ELOVL5: variants seen among roughly 807,000 people sequenced by gnomAD.
The protein encoded by ELOVL5 is ELOVL fatty acid elongase 5.
Under a neutral mutation model 38.6 loss-of-function variants are expected in ELOVL5, and 8 were observed. That is an observed-to-expected ratio of 0.21 (90% CI 0.12 to 0.37). The LOEUF (loss-of-function observed/expected upper bound fraction) is 0.37. Ranked by LOEUF, ELOVL5 falls within the 10% of genes least tolerant of loss-of-function variation. The probability of loss-of-function intolerance (pLI) is 1.00; values close to 1 mark genes in which losing one functional copy is unlikely to be tolerated. For synonymous variants in ELOVL5, 127 were observed against 133.7 expected (o/e 0.95, Z 0.34); for missense variants, 280 against 367.8 (o/e 0.76, Z 1.95).
intron 1 of ELOVL5, among the ~76,000 whole-genome samples, chr6:53,327,855 T>C (rs570342496): frequency 7.2e-5 from 11 of 152,218 alleles, no homozygotes; most frequent in Non-Finnish European, 1.5e-4. Context: ...CTCTCTCGAC[T>C]GGATGCTTTT....
At chr6:53,331,903 C>T (rs138581173) in intron 1 of ELOVL5, among the ~76,000 whole-genome samples, 42 of 152,314 alleles carry the variant, frequency 2.8e-4, no homozygotes, top group African/African-American at 9.4e-4. Flanking sequence ...GTGCCAGCAT[C>T]TGCTTCTGGT....
At chr6:53,335,968 G>GC (rs1425972595) in intron 1 of ELOVL5, among the ~76,000 whole-genome samples, 1 of 152,130 alleles carries the variant, frequency 6.6e-6, no homozygotes, top group Non-Finnish European at 1.5e-5. Flanking sequence ...GGTCATACTA[G>GC]CCCTGAACCA....
At chr6:53,286,384 G>A (rs1766572035) in intron 3 of ELOVL5, among the ~76,000 whole-genome samples, 1 of 152,036 alleles carries the variant, frequency 6.6e-6, no homozygotes, top group African/African-American at 2.4e-5. Flanking sequence ...GCAACACCGT[G>A]AGACAATGTT....
At chr6:53,288,043 A>G in intron 3 of ELOVL5, 1 of 1,021,688 alleles carries the variant, frequency 9.8e-7, no homozygotes, top group Middle Eastern at 2.0e-4. Flanking sequence ...ATGAGGACAG[A>G]GCATCTGCCT....
chr6:53,303,333 T>C lies in ELOVL5; in HGVS notation c.-8-7626A>G, dbSNP rs1427659807. Among the ~76,000 whole-genome samples, 4 of 152,338 alleles carry C rather than the reference T, an allele frequency of 2.6e-5. No individual in the cohort carries two copies. In the East Asian group the frequency reaches 7.7e-4, roughly 29 times the overall value. On this transcript the variant is annotated intron_variant, in intron 1 of 7. Coordinates refer to ENST00000304434, the MANE Select transcript of ELOVL5 (RefSeq NM_021814.5). ...TTGGCATTTAAATAAATGATAACTC[T>C]GGATTAAATCTTGGCTCAAAAATAT...
At chr6:53,342,292 C>T (rs1339130502) in intron 1 of ELOVL5, among the ~76,000 whole-genome samples, 1 of 152,192 alleles carries the variant, frequency 6.6e-6, no homozygotes, top group Non-Finnish European at 1.5e-5. Flanking sequence ...CCCCTGGAAG[C>T]AAATGAATAA....
intron 1 of ELOVL5, among the ~76,000 whole-genome samples, chr6:53,348,336 C>T (rs1769666076): frequency 6.6e-6 from 1 of 151,718 alleles, no homozygotes; most frequent in Admixed American, 6.6e-5. Flanking sequence ...CTCGCACAGG[C>T]TCTTCGAACT....
At chr6:53,308,073 A>G (rs1250750826) in intron 1 of ELOVL5, among the ~76,000 whole-genome samples, 1 of 152,162 alleles carries the variant, frequency 6.6e-6, no homozygotes, top group Non-Finnish European at 1.5e-5. Flanking sequence ...TTTTACGAGA[A>G]AAAGATACAG....
intron 3 of ELOVL5, among the ~76,000 whole-genome samples, chr6:53,287,594 TTAG>T (rs1166463803): frequency 1.3e-5 from 2 of 152,178 alleles, no homozygotes; most frequent in Non-Finnish European, 2.9e-5. Flanking sequence ...GTCCTCTTCC[TTAG>T]TACGCTCATG....
intron 3 of ELOVL5, among the ~76,000 whole-genome samples, chr6:53,279,940 A>G (rs1766291661): frequency 6.6e-6 from 1 of 152,234 alleles, no homozygotes; most frequent in East Asian, 1.9e-4. Flanking sequence ...GTCCATGGGT[A>G]GTGGACTACA....
chr6:53,284,170 G>A (rs543120153), intron 3 of ELOVL5, among the ~76,000 whole-genome samples: 1 of 152,282 alleles, frequency 6.6e-6, no homozygotes, highest in South Asian at 2.1e-4. Flanking sequence ...GCTGGGCACA[G>A]TGGCATGCTC....
chr6:53,322,755 A>G (rs1768350271), intron 1 of ELOVL5, among the ~76,000 whole-genome samples: 1 of 152,258 alleles, frequency 6.6e-6, no homozygotes, highest in Admixed American at 6.5e-5. Context: ...AAGTACTAAG[A>G]TAAGCTATCC....
Position 53,268,840 on chromosome 6 carries a change from A to G in ELOVL5, c.*287T>C, listed in dbSNP as rs1765821630. The G allele has an allele frequency of 4.0e-6, 1 of 252,920 alleles. No individual in the cohort carries two copies. Among genetic ancestry groups the G allele is most frequent in the East Asian group, 7.3e-5 (1 of 13,660 alleles). 15.7% of individuals were successfully genotyped at this position (252,920 alleles called of 1,614,324 possible). On this transcript the variant is annotated 3_prime_UTR_variant, in exon 8 of 8. Transcript: ENST00000304434. ...AATTGTGAATCACAATTCAGCACCTATCATGTTATAACTAATAAGGCAACA... is the reference window on the plus strand; with the variant it reads ...AATTGTGAATCACAATTCAGCACCTGTCATGTTATAACTAATAAGGCAACA...
At chr6:53,302,649 T>C (rs1375163744) in intron 1 of ELOVL5, among the ~76,000 whole-genome samples, 5 of 138,450 alleles carry the variant, frequency 3.6e-5, no homozygotes, top group Non-Finnish European at 1.6e-5. Flanking sequence ...ATATACATTA[T>C]AGTAAAGAGT....
chr6:53,294,122 A>C, intron 2 of ELOVL5: 1 of 1,402,556 alleles, frequency 7.1e-7, no homozygotes, highest in Non-Finnish European at 9.3e-7. Flanking sequence ...ACTTTGCTTT[A>C]TTCATTTTCC....
intron 1 of ELOVL5, among the ~76,000 whole-genome samples, chr6:53,335,737 C>G (rs1769036005): frequency 6.6e-6 from 1 of 152,112 alleles, no homozygotes; most frequent in Non-Finnish European, 1.5e-5. Context: ...CACATGGCCA[C>G]CCAGAATAAA....
chr6:53,345,744 AG>A (rs1769513565), intron 1 of ELOVL5, among the ~76,000 whole-genome samples: 1 of 106,176 alleles, frequency 9.4e-6, no homozygotes, highest in African/African-American at 2.7e-5. Context: ...TAAGTTGTGG[AG>A]TAACAGTGTT....
At chr6:53,290,872 C>T (rs1462561142) in intron 3 of ELOVL5, among the ~76,000 whole-genome samples, 4 of 152,144 alleles carry the variant, frequency 2.6e-5, no homozygotes, top group Non-Finnish European at 5.9e-5. Context: ...CCTCTACCTT[C>T]TTCTTTACTA....
At chr6:53,320,429 TG>T (rs765825003) in intron 1 of ELOVL5, among the ~76,000 whole-genome samples, 4 of 151,958 alleles carry the variant, frequency 2.6e-5, no homozygotes, top group Non-Finnish European at 4.4e-5. Flanking sequence ...CTCCTCCCCC[TG>T]GGTTCATGCC....
Sources: allele counts gnomAD v4.1 joint callset (sites outside exome capture counted in the v4.1 genomes callset), GRCh38; gene constraint gnomAD v4.1.1; transcripts MANE v1.5; gene names NCBI Gene and HGNC (gene_info 2026-07-23, HGNC 2026-07-21).